ROCK2: variants seen among roughly 807,000 people sequenced by gnomAD.
The protein encoded by ROCK2 is rho-associated protein kinase 2.
ROCK2 carries 61 observed loss-of-function variants against 195.1 expected under a neutral mutation model. The observed-to-expected ratio is 0.31, with a 90% confidence interval of 0.25 to 0.39. The LOEUF (loss-of-function observed/expected upper bound fraction) is 0.39, where lower values mean the gene tolerates loss of function less well. ROCK2 is among the 10% of genes least tolerant of loss of function. The pLI is 1.00. For synonymous variants in ROCK2, 504 were observed against 545.5 expected, an observed-to-expected ratio of 0.92 and a Z score of 1.06; for missense variants, 1,109 against 1,637.4, an observed-to-expected ratio of 0.68 and a Z score of 5.57.
At chr2:11,224,254 AG>A (rs1336840402) in intron 7 of ROCK2, 67 bp downstream of exon 7, 1 of 1,378,036 alleles carries the variant, frequency 7.3e-7, no homozygotes, top group African/African-American at 1.5e-5. Context: ...TTAATAAGCT[AG>A]GCATGCTTTT....
intron 1 of ROCK2, among the ~76,000 whole-genome samples, chr2:11,313,215 G>A (rs889892831): frequency 1.3e-5 from 2 of 151,972 alleles, no homozygotes; most frequent in Non-Finnish European, 2.9e-5. Context: ...GAAACGGAAG[G>A]GGATGGAGTA....
chr2:11,251,029 T>C (rs1202879034), intron 3 of ROCK2, among the ~76,000 whole-genome samples: 1 of 152,188 alleles, frequency 6.6e-6, no homozygotes, highest in Non-Finnish European at 1.5e-5. Flanking sequence ...CTCAATGAGG[T>C]CTACTCTGAT....
rs569111264 is a variant in ROCK2 at position 11,311,163 on chromosome 2, G to C, written c.142-23427C>G. Among the ~76,000 whole-genome samples, 4 of 152,088 alleles carry C rather than the reference G, an allele frequency of 2.6e-5. No individual in the cohort carries two copies. The South Asian group carries it at 8.3e-4, about 32-fold the overall frequency. ...AAACAAACAATTCTTAGACAATCTG[G>C]AGATTTCTATCTCTACCAATGATAG... On this transcript the variant is annotated intron_variant, in intron 1 of 32. Coordinates refer to ENST00000315872, the MANE Select transcript of ROCK2 (RefSeq NM_004850.5).
intron 3 of ROCK2, among the ~76,000 whole-genome samples, chr2:11,250,148 TG>T (rs1665780568): frequency 6.6e-6 from 1 of 152,046 alleles, no homozygotes; most frequent in African/African-American, 2.4e-5. Flanking sequence ...ATATGTCTAC[TG>T]AAAAAAAACC....
In ROCK2 at chr2:11,201,456, A is replaced by AT. The variant is rs1663849496; in HGVS notation, c.2620-44dup. 5.8e-6 allele frequency: 6 copies of AT among 1,030,200 alleles called. No individual in the cohort carries two copies. Among genetic ancestry groups the AT allele is most frequent in the Non-Finnish European group, 6.1e-6 (4 of 657,812 alleles). The allele number at this position is 1,030,200 out of a possible 1,614,324, so 63.8% of individuals were successfully genotyped here. On this transcript the variant is annotated intron_variant, in intron 21 of 32. Transcript: ENST00000315872. This position sits in a 1 kb window ranked among gnomAD's most constrained non-coding sequence, Gnocchi z 4.6. The stretch of plus-strand genomic sequence containing the variant: ...ACAGAAATGCGTATCATCATCAGAA[A>AT]TATTACTTCTACATTCAAAAGCTAT...
intron 7 of ROCK2, among the ~76,000 whole-genome samples, chr2:11,222,595 A>C (rs1359515387): frequency 6.6e-6 from 1 of 152,164 alleles, no homozygotes; most frequent in African/African-American, 2.4e-5. Flanking sequence ...TCCCTTTCCT[A>C]AAAAGAATGC....
chr2:11,234,950 CT>C lies in ROCK2; in HGVS notation c.723+751del, dbSNP rs899867828. Among the ~76,000 whole-genome samples the C allele has an allele frequency of 4.6e-5, 7 of 151,996 alleles. 1 individual carries two copies. The highest frequency in any genetic ancestry group is 1.7e-4 in the African/African-American group (7 of 41,398). On this transcript the variant is annotated intron_variant, in intron 5 of 32. Transcript: ENST00000315872. ...AAATAAGATTGGCTTTATAAGCATA[CT>C]GGAAAGTTATAAAAAACATACAAAA...
In ROCK2 at chr2:11,317,627, T is replaced by TTTTTTTTTTTTTTTA. The variant is rs1192587957; in HGVS notation, c.141+26368_141+26369insTAAAAAAAAAAAAAA. On this transcript the variant is annotated intron_variant, in intron 1 of 32. Transcript: ENST00000315872. ...ATATATATATATTTTTTTTTTTTTT[T>TTTTTTTTTTTTTTTA]AATTATACTTTAAGTTCTAGGGTAC... is the stretch of plus-strand genomic sequence containing the variant. Among the ~76,000 whole-genome samples, 37 of 31,428 alleles carry TTTTTTTTTTTTTTTA rather than the reference T, an allele frequency of 1.2e-3. 4 individuals carry two copies. The highest frequency in any genetic ancestry group is 3.7e-3 in the South Asian group (2 of 538). The allele number at this position is 31,428 out of a possible 152,430, so 20.6% of individuals were successfully genotyped here. A position where few individuals can be genotyped will look rare whatever the true frequency, so the allele number is the denominator to read the frequency against.
intron 1 of ROCK2, among the ~76,000 whole-genome samples, chr2:11,300,262 G>A (rs1667663181): frequency 6.6e-6 from 1 of 151,828 alleles, no homozygotes; most frequent in Non-Finnish European, 1.5e-5. Flanking sequence ...AGCAACTATG[G>A]TTTTTTTGGG....
At chr2:11,302,054 C>T (rs756989376) in intron 1 of ROCK2, among the ~76,000 whole-genome samples, 3 of 152,070 alleles carry the variant, frequency 2.0e-5, no homozygotes, top group Non-Finnish European at 2.9e-5. Flanking sequence ...GATCCACCTG[C>T]CTTGGCCTCC....
At chr2:11,305,444 T>TACACACACACAC (rs59533265) in intron 1 of ROCK2, among the ~76,000 whole-genome samples, 35 of 150,470 alleles carry the variant, frequency 2.3e-4, no homozygotes, top group Admixed American at 4.0e-4. Context: ...TGTGTGGGTG[T>TACACACACACAC]ACACACACAC....
chr2:11,322,219 A>C (rs1026222252), intron 1 of ROCK2, among the ~76,000 whole-genome samples: 13 of 152,336 alleles, frequency 8.5e-5, no homozygotes, highest in South Asian at 8.3e-4. Context: ...TGGTCAATTT[A>C]GAATACTACA....
chr2:11,305,300 C>T (rs1490621844), intron 1 of ROCK2, among the ~76,000 whole-genome samples: 1 of 152,256 alleles, frequency 6.6e-6, no homozygotes, highest in East Asian at 1.9e-4. Flanking sequence ...TGCTTGAACC[C>T]GGGAGGCAGA....
In ROCK2 at chr2:11,344,201, A is replaced by G; in HGVS notation, c.-65T>C. 1 of 1,349,892 alleles carries G rather than the reference A, an allele frequency of 7.4e-7. No homozygotes were observed. The highest frequency in any genetic ancestry group is 1.8e-5 in the South Asian group (1 of 54,656). 83.6% of individuals were successfully genotyped at this position (1,349,892 alleles called of 1,614,324 possible). A position where few individuals can be genotyped will look rare whatever the true frequency, so the allele number is the denominator to read the frequency against. ...AGGTCCCGCAGCCTCGGGGCCTAGC[A>G]CCGCCCCCGAACCACCAGCTCCGGC... On this transcript the variant is annotated 5_prime_UTR_variant, in exon 1 of 33. Coordinates refer to ENST00000315872, the MANE Select transcript of ROCK2 (RefSeq NM_004850.5). This position sits in a 1 kb window ranked among gnomAD's most constrained non-coding sequence, Gnocchi z 5.4.
Position 11,192,742 on chromosome 2 carries a change from T to G in ROCK2, c.3688-30A>C, listed in dbSNP as rs1321919535. The G allele has an allele frequency of 1.9e-6, 3 of 1,578,682 alleles. No homozygotes were observed. The highest frequency in any genetic ancestry group is 1.2e-5 in the South Asian group (1 of 86,870). On this transcript the variant is annotated intron_variant, in intron 30 of 32. Coordinates refer to ENST00000315872, the MANE Select transcript of ROCK2 (RefSeq NM_004850.5). The surrounding 1 kb of genome is among the most constrained non-coding windows in gnomAD (Gnocchi z 5.0). Reference sequence around the variant, plus strand: ...GAATGCCAAAAGAACAATAAGTGATTTCCAAACATGCTATTTTTTTATGTA... The same window carrying G: ...GAATGCCAAAAGAACAATAAGTGATGTCCAAACATGCTATTTTTTTATGTA...
chr2:11,330,298 T>C (rs947907170), intron 1 of ROCK2, among the ~76,000 whole-genome samples: 6 of 152,198 alleles, frequency 3.9e-5, no homozygotes, highest in Non-Finnish European at 7.3e-5. Context: ...ACTTTTATTA[T>C]ATGTCACTCT....
At position 11,202,124 on chromosome 2, in the gene ROCK2, G is replaced by GT; in HGVS notation, c.2550-4dup. On this transcript the variant is annotated splice_polypyrimidine_tract_variant and splice_region_variant and intron_variant, in intron 20 of 32. Transcript: ENST00000315872. ...GCCCATCTGCATCCTGACGTTCTCTGTGAGGACAATGAATCAAAGGTTTAA... is the reference window on the plus strand; with the variant it reads ...GCCCATCTGCATCCTGACGTTCTCTGTTGAGGACAATGAATCAAAGGTTTAA... 3.7e-6 allele frequency: 6 copies of GT among 1,611,092 alleles called. No homozygotes were observed. Among genetic ancestry groups the GT allele is most frequent in the Non-Finnish European group, 5.1e-6 (6 of 1,177,564 alleles).
Position 11,321,011 on chromosome 2 carries a change from TGAACAA to T in ROCK2, c.141+22979_141+22984del, listed in dbSNP as rs1217613791. Among the ~76,000 whole-genome samples, 3 of 152,138 alleles carry T rather than the reference TGAACAA, an allele frequency of 2.0e-5. No homozygotes were observed. The East Asian group carries it at 5.8e-4, about 29-fold the overall frequency. On this transcript the variant is annotated intron_variant, in intron 1 of 32. Coordinates refer to ENST00000315872, the MANE Select transcript of ROCK2 (RefSeq NM_004850.5). ...TCTACATGAGACATTTCCCAAGAGC[TGAACAA>T]GAATAATTCCTGCCATGCTAGCCAG...
rs540833392 is a variant in ROCK2, at chr2:11,310,746, A to C, written c.142-23010T>G. On this transcript the variant is annotated intron_variant, in intron 1 of 32. Transcript: ENST00000315872. ...AATTGAAGAAAGAATCATAGGTTGT[A>C]TATACAACCTATGTCTGTTATATAA... Among the ~76,000 whole-genome samples, 150 of 152,214 alleles carry C rather than the reference A, an allele frequency of 9.9e-4. 1 individual carries two copies. Among genetic ancestry groups the C allele is most frequent in the Middle Eastern group, 6.8e-3 (2 of 294 alleles).
Sources: gnomAD v4.1 joint callset for allele counts (sites outside exome capture counted in the v4.1 genomes callset) on GRCh38, gnomAD v4.1.1 for gene constraint, Gnocchi (gnomAD v3.1) non-coding constraint, MANE v1.5 for transcripts, NCBI Gene and HGNC (gene_info 2026-07-23, HGNC 2026-07-21) for gene names.